Variants in SBK3 observed in about 807,000 individuals in gnomAD.
SBK3 encodes SH3 domain binding kinase family member 3, also known as uncharacterized serine/threonine-protein kinase SBK3.
Under a neutral mutation model 12.7 loss-of-function variants are expected in SBK3, and 16 were observed. That is an observed-to-expected ratio of 1.26 (90% CI 0.86 to 1.92). SBK3 has a LOEUF of 1.92. SBK3 is among the 40% of genes most tolerant of loss of function. SBK3 has a pLI of 0.00. For synonymous variants in SBK3, 217 were observed against 213.6 expected (o/e 1.02, Z -0.14); for missense variants, 462 against 481.8 (o/e 0.96, Z 0.38).
chr19:55,542,485 ATCCATCCATCCACCCACCAATCCTTCCT>A (rs1988574279), intron 3 of SBK3, among the ~76,000 whole-genome samples: 1 of 138,482 alleles, frequency 7.2e-6, no homozygotes, highest in Admixed American at 7.3e-5. Context: ...CCATCCATCC[ATCCATCCATCCACCCACCAATCCTTCCT>A]TCCATCCATC....
At chr19:55,542,394 CT>C (rs1988572037) in intron 3 of SBK3, among the ~76,000 whole-genome samples, 1 of 149,454 alleles carries the variant, frequency 6.7e-6, no homozygotes, top group African/African-American at 2.5e-5. Flanking sequence ...CATCCATCCA[CT>C]CAACCAATCC....
chr19:55,543,999 G>A, intron 3 of SBK3, 101 bp downstream of exon 3: 1 of 999,040 alleles, frequency 1.0e-6, no homozygotes, highest in Non-Finnish European at 1.4e-6. Context: ...GATGGATTGG[G>A]CGGGCCCTGA....
In SBK3 at chr19:55,541,479, T is replaced by C; in HGVS notation, c.447A>G (p.Gly149=). Residue 149 remains glycine (G), a synonymous_variant, in exon 4 of 4, where the codon GGA becomes GGG. Transcript: ENST00000612221. This position sits in a 1 kb window ranked among gnomAD's most constrained non-coding sequence, Gnocchi z 5.3. ...CCCGGCTGTGGAGGAAGTCCAGAGC[T>C]CCTGCCAACTGGGCCACCACCCGCT... ...LVKRVVAQLA[G]ALDFLHSRGL... 6.5e-7 allele frequency: 1 copy of C among 1,528,600 alleles called. No individual in the cohort carries two copies. Among genetic ancestry groups the C allele is most frequent in the Non-Finnish European group, 8.8e-7 (1 of 1,141,544 alleles). 94.7% of individuals were successfully genotyped at this position (1,528,600 alleles called of 1,614,324 possible).
At chr19:55,542,230 A>T (rs1988569227) in intron 3 of SBK3, among the ~76,000 whole-genome samples, 1 of 152,138 alleles carries the variant, frequency 6.6e-6, no homozygotes, top group African/African-American at 2.4e-5. Context: ...GTGTCCATCC[A>T]ACATCCATTC....
Position 55,545,078 on chromosome 19 carries a change from G to A in SBK3, c.46-129C>T, listed in dbSNP as rs904915462. On this transcript the variant is annotated intron_variant, in intron 1 of 3. Transcript: ENST00000612221. This position sits in a 1 kb window ranked among gnomAD's most constrained non-coding sequence, Gnocchi z 4.4. ...GACAGGGGTCACTGTCCCCAGAGAG[G>A]AGGATGAGTCACAGTGACTCACCCG... 1.4e-5 allele frequency: 10 copies of A among 705,582 alleles called. No homozygotes were observed. The highest frequency in any genetic ancestry group is 2.1e-5 in the Non-Finnish European group (9 of 437,486). 43.7% of individuals were successfully genotyped at this position (705,582 alleles called of 1,614,324 possible).
Position 55,545,539 on chromosome 19 carries a change from T to C in SBK3, c.5A>G (p.Glu2Gly). 1 of 1,534,630 alleles carries C rather than the reference T, an allele frequency of 6.5e-7. No individual in the cohort carries two copies. Among genetic ancestry groups the C allele is most frequent in the East Asian group, 2.4e-5 (1 of 40,844 alleles). Reference protein sequence around the residue: MERRASETPEDG... With the variant: MGRRASETPEDG... ...CTCAGGGGTCTCGGAGGCCCTGCGC[T>C]CCATCTCAGGGCTTCCTGATGTGGG... Residue 2 changes from glutamate to glycine, a missense_variant, in exon 1 of 4, where the codon GAG becomes GGG. By Grantham distance (98) the Glu-to-Gly change is moderately conservative. Coordinates refer to ENST00000612221, the MANE Select transcript of SBK3 (RefSeq NM_001199824.2). This position sits in a 1 kb window ranked among gnomAD's most constrained non-coding sequence, Gnocchi z 4.4.
chr19:55,545,329 C>G lies in SBK3; in HGVS notation c.45+170G>C. On this transcript the variant is annotated intron_variant, in intron 1 of 3. Transcript: ENST00000612221. This position sits in a 1 kb window ranked among gnomAD's most constrained non-coding sequence, Gnocchi z 4.4. ...AGTCCAATTCTCTGGGGGCCTTGGT[C>G]TCGCTGTGTGTCCTTGGATCTCTGT... 4.9e-6 allele frequency: 3 copies of G among 615,772 alleles called. No individual in the cohort carries two copies. Among genetic ancestry groups the G allele is most frequent in the Non-Finnish European group, 8.5e-6 (3 of 351,226 alleles). The allele number at this position is 615,772 out of a possible 1,614,324, so 38.1% of individuals were successfully genotyped here. A position where few individuals can be genotyped will look rare whatever the true frequency, so the allele number is the denominator to read the frequency against.
chr19:55,544,027 A>G, intron 3 of SBK3, 73 bp downstream of exon 3: 1 of 1,305,254 alleles, frequency 7.7e-7, no homozygotes, highest in East Asian at 2.6e-5. Context: ...TCAGAGTTGG[A>G]GACAGAGACG....
chr19:55,545,086 G>A lies in SBK3; in HGVS notation c.46-137C>T. ...TCACTGTCCCCAGAGAGGAGGATGA[G>A]TCACAGTGACTCACCCGGACTCGGG... On this transcript the variant is annotated intron_variant, in intron 1 of 3. Coordinates refer to ENST00000612221, the MANE Select transcript of SBK3 (RefSeq NM_001199824.2). The surrounding 1 kb of genome is among the most constrained non-coding windows in gnomAD (Gnocchi z 4.4). 3 of 679,422 alleles carry A rather than the reference G, an allele frequency of 4.4e-6. No homozygotes were observed. The highest frequency in any genetic ancestry group is 3.9e-5 in the South Asian group (2 of 51,586). The allele number at this position is 679,422 out of a possible 1,614,324, so 42.1% of individuals were successfully genotyped here.
chr19:55,541,481 C>T lies in SBK3; in HGVS notation c.445G>A (p.Gly149Arg). The T allele has an allele frequency of 6.5e-7, 1 of 1,528,760 alleles. No homozygotes were observed. Among genetic ancestry groups the T allele is most frequent in the Non-Finnish European group, 8.8e-7 (1 of 1,141,658 alleles). 94.7% of individuals were successfully genotyped at this position (1,528,760 alleles called of 1,614,324 possible). A position where few individuals can be genotyped will look rare whatever the true frequency, so the allele number is the denominator to read the frequency against. The change falls in exon 4 of 4, where the codon GGA (glycine) becomes AGA (arginine). Residue 149 changes from glycine (G) to arginine (R), a missense_variant. Coordinates refer to ENST00000612221, the MANE Select transcript of SBK3 (RefSeq NM_001199824.2). The surrounding 1 kb of genome is among the most constrained non-coding windows in gnomAD (Gnocchi z 5.3). ...CGGCTGTGGAGGAAGTCCAGAGCTC[C>T]TGCCAACTGGGCCACCACCCGCTTC... ...LVKRVVAQLA[G>R]ALDFLHSRGL...
rs981211408 is a variant in SBK3 at position 55,541,287 on chromosome 19, C to T, written c.639G>A (p.Pro213=). The change falls in exon 4 of 4, where the codon CCG becomes CCA. Residue 213 remains proline (P), a synonymous_variant. Transcript: ENST00000612221. This position sits in a 1 kb window ranked among gnomAD's most constrained non-coding sequence, Gnocchi z 5.3. ...TAPPELCLLL[P]PDTLPLRPAV... ...CTGGCCGCAGAGGCAGGGTGTCGGG[C>T]GGTAGCAGGAGACAGAGCTCAGGCG... 19 of 1,535,714 alleles carry T rather than the reference C, an allele frequency of 1.2e-5. No homozygotes were observed. Among genetic ancestry groups the T allele is most frequent in the Middle Eastern group, 1.7e-4 (1 of 5,974 alleles).
In SBK3 at chr19:55,541,348, G is replaced by A. The variant is rs1361308739; in HGVS notation, c.578C>T (p.Pro193Leu). 18 of 1,534,976 alleles carry A rather than the reference G, an allele frequency of 1.2e-5. No individual in the cohort carries two copies. In the Middle Eastern group the frequency reaches 8.3e-4, roughly 71 times the overall value. Residue 193 changes from proline to leucine, a missense_variant, in exon 4 of 4, where the codon CCG (proline) becomes CTG (leucine). Coordinates refer to ENST00000612221, the MANE Select transcript of SBK3 (RefSeq NM_001199824.2). This position sits in a 1 kb window ranked among gnomAD's most constrained non-coding sequence, Gnocchi z 5.3. ...DLGLTRPEGSPTPAPPVPLPT... is the reference protein window; with the variant it reads ...DLGLTRPEGSLTPAPPVPLPT... ...CAGAGGCACTGGTGGGGCGGGGGTC[G>A]GGCTGCCCTCTGGCCGGGTCAGACC...
rs764932738 is a variant in SBK3, at chr19:55,545,028, C to T, written c.46-79G>A. On this transcript the variant is annotated intron_variant, in intron 1 of 3. Coordinates refer to ENST00000612221, the MANE Select transcript of SBK3 (RefSeq NM_001199824.2). The surrounding 1 kb of genome is among the most constrained non-coding windows in gnomAD (Gnocchi z 4.4). ...GGTGGGGGAGGAGGTCACGGCGCAG[C>T]CCCAGGATGGAGGGTGGGGCAGGGG... 7.9e-6 allele frequency: 9 copies of T among 1,136,228 alleles called. No homozygotes were observed. The highest frequency in any genetic ancestry group is 1.1e-5 in the Non-Finnish European group (9 of 815,926). The allele number at this position is 1,136,228 out of a possible 1,614,324, so 70.4% of individuals were successfully genotyped here.
At chr19:55,543,979 T>G in intron 3 of SBK3, 121 bp downstream of exon 3, 1 of 775,136 alleles carries the variant, frequency 1.3e-6, no homozygotes, top group African/African-American at 1.8e-5. Context: ...ATGTGGGGGC[T>G]CAGGGTGGAG....
Position 55,541,096 on chromosome 19 carries a change from G to A in SBK3, c.830C>T (p.Pro277Leu), listed in dbSNP as rs895119770. Residue 277 changes from proline (P) to leucine (L), a missense_variant, in exon 4 of 4, where the codon CCC becomes CTC. Transcript: ENST00000612221. This position sits in a 1 kb window ranked among gnomAD's most constrained non-coding sequence, Gnocchi z 5.3. ...CCCCTGGAGCAAGGCCAGGGCTGGGGGCGCAAACTGGTCCCAGGGTGGTGG... is the reference window on the plus strand; with the variant it reads ...CCCCTGGAGCAAGGCCAGGGCTGGGAGCGCAAACTGGTCCCAGGGTGGTGG... Reference protein sequence around the residue: ...QPPPPWDQFAPPALALLQGLL... With the variant: ...QPPPPWDQFALPALALLQGLL... The A allele has an allele frequency of 4.0e-5, 62 of 1,535,918 alleles. No homozygotes were observed. Among genetic ancestry groups the A allele is most frequent in the Non-Finnish European group, 5.1e-5 (59 of 1,146,806 alleles).
Position 55,545,523 on chromosome 19 carries a change from C to G in SBK3, c.21G>C (p.Glu7Asp). Residue 7 changes from glutamate to aspartate, a missense_variant, in exon 1 of 4, where the codon GAG (glutamate) becomes GAC (aspartate). Transcript: ENST00000612221. The surrounding 1 kb of genome is among the most constrained non-coding windows in gnomAD (Gnocchi z 4.4). The stretch of plus-strand genomic sequence containing the variant: ...CCTCTGGGTCCCCATCCTCAGGGGT[C>G]TCGGAGGCCCTGCGCTCCATCTCAG... MERRAS[E>D]TPEDGDPEED... The G allele has an allele frequency of 2.0e-6, 3 of 1,535,026 alleles. No individual in the cohort carries two copies. In the African/African-American group the frequency reaches 4.1e-5, roughly 21 times the overall value.
Position 55,545,310 on chromosome 19 carries a change from A to T in SBK3, c.45+189T>A, listed in dbSNP as rs595284. 0.89 allele frequency: 533,436 copies of T among 597,490 alleles called. 239,885 individuals carry two copies. The highest frequency in any genetic ancestry group is 0.93 in the Non-Finnish European group (315,930 of 338,728). 37.0% of individuals were successfully genotyped at this position (597,490 alleles called of 1,614,324 possible). The stretch of plus-strand genomic sequence containing the variant: ...ATCCCGCTGTGTGTTTCTGAGTCCA[A>T]TTCTCTGGGGGCCTTGGTCTCGCTG... On this transcript the variant is annotated intron_variant, in intron 1 of 3. Transcript: ENST00000612221. The surrounding 1 kb of genome is among the most constrained non-coding windows in gnomAD (Gnocchi z 4.4).
At position 55,545,183 on chromosome 19, in the gene SBK3, AG is replaced by A; in HGVS notation, c.46-235del. 1 of 578,274 alleles carries A rather than the reference AG, an allele frequency of 1.7e-6. No individual in the cohort carries two copies. Among genetic ancestry groups the A allele is most frequent in the Non-Finnish European group, 3.1e-6 (1 of 327,394 alleles). The allele number at this position is 578,274 out of a possible 1,614,324, so 35.8% of individuals were successfully genotyped here. A position where few individuals can be genotyped will look rare whatever the true frequency, so the allele number is the denominator to read the frequency against. ...GGCCCCGCCTGCCCCTGTCTGTGGG[AG>A]CAGGCCAGGAGCCCCCAGCCCCGAG... is the stretch of plus-strand genomic sequence containing the variant. On this transcript the variant is annotated intron_variant, in intron 1 of 3. Transcript: ENST00000612221. The surrounding 1 kb of genome is among the most constrained non-coding windows in gnomAD (Gnocchi z 4.4).
intron 3 of SBK3, 79 bp downstream of exon 3, chr19:55,544,021 A>C: frequency 8.0e-7 from 1 of 1,251,502 alleles, no homozygotes; most frequent in Non-Finnish European, 1.1e-6. Flanking sequence ...TTGGGGTCAG[A>C]GTTGGAGACA....
Sources: allele counts gnomAD v4.1 joint callset (sites outside exome capture counted in the v4.1 genomes callset), GRCh38; gene constraint gnomAD v4.1.1; non-coding constraint Gnocchi (gnomAD v3.1); transcripts MANE v1.5; gene names NCBI Gene and HGNC (gene_info 2026-07-23, HGNC 2026-07-21).